Variants in ZNF804B observed in about 807,000 individuals in gnomAD.
The protein encoded by ZNF804B is zinc finger 804B.
ZNF804B carries 80 observed loss-of-function variants against 101.4 expected under a neutral mutation model. The observed-to-expected ratio is 0.79, with a 90% CI of 0.66 to 0.95. The LOEUF is 0.95. Ranked by LOEUF, ZNF804B falls within the 40% of genes least tolerant of loss-of-function variation. The pLI is 0.00. For synonymous variants in ZNF804B, 622 were observed against 558.8 expected (o/e 1.11, Z -1.59); for missense variants, 1,673 against 1,561.9 (o/e 1.07, Z -1.20).
intron 2 of ZNF804B, among the ~76,000 whole-genome samples, chr7:89,266,535 T>C (rs1433823431): frequency 6.6e-6 from 1 of 152,110 alleles, no homozygotes; most frequent in Non-Finnish European, 1.5e-5. Context: ...AAGATACAGT[T>C]TTTCATATAA....
chr7:88,928,491 C>G (rs1792838033), intron 1 of ZNF804B, among the ~76,000 whole-genome samples: 1 of 152,108 alleles, frequency 6.6e-6, no homozygotes, highest in South Asian at 2.1e-4. Context: ...TGGCAAATAC[C>G]CTGGGGTGAG....
At chr7:89,169,635 A>G (rs1791196176) in intron 1 of ZNF804B, among the ~76,000 whole-genome samples, 1 of 152,330 alleles carries the variant, frequency 6.6e-6, no homozygotes, top group Middle Eastern at 3.4e-3. Flanking sequence ...CATTGTTCTC[A>G]TACATAATTC....
chr7:88,819,267 G>C (rs1181711695), intron 1 of ZNF804B, among the ~76,000 whole-genome samples: 1 of 150,188 alleles, frequency 6.7e-6, no homozygotes, highest in East Asian at 2.0e-4. Context: ...AGGACCACTG[G>C]TGCATGCCTC....
At chr7:88,936,789 A>G (rs1406108361) in intron 1 of ZNF804B, among the ~76,000 whole-genome samples, 5 of 152,032 alleles carry the variant, frequency 3.3e-5, no homozygotes, top group Non-Finnish European at 7.4e-5. Flanking sequence ...TGGTGGGAAG[A>G]AACAGGAGAA....
chr7:89,211,146 G>T (rs1034503359), intron 1 of ZNF804B, among the ~76,000 whole-genome samples: 2 of 152,180 alleles, frequency 1.3e-5, no homozygotes, highest in East Asian at 3.9e-4. Context: ...GTCTTCTTTT[G>T]AGGAGTGTCT....
intron 2 of ZNF804B, among the ~76,000 whole-genome samples, chr7:89,254,159 G>A (rs1789588647): frequency 6.6e-6 from 1 of 151,782 alleles, no homozygotes; most frequent in African/African-American, 2.4e-5. Context: ...CGGTGAGATA[G>A]GATTAAAATG....
At chr7:88,764,592 T>C (rs998274492) in intron 1 of ZNF804B, among the ~76,000 whole-genome samples, 3 of 152,128 alleles carry the variant, frequency 2.0e-5, no homozygotes, top group Admixed American at 2.0e-4. Context: ...ATGAAAGAAG[T>C]TCTAGAAGAG....
At chr7:88,798,964 A>G (rs1458382460) in intron 1 of ZNF804B, among the ~76,000 whole-genome samples, 1 of 152,082 alleles carries the variant, frequency 6.6e-6, no homozygotes, top group Non-Finnish European at 1.5e-5. Context: ...TAGCTATCCA[A>G]GTTCAAGTTC....
intron 1 of ZNF804B, among the ~76,000 whole-genome samples, chr7:89,003,453 T>C (rs915520334): frequency 2.0e-5 from 3 of 152,018 alleles, no homozygotes; most frequent in Non-Finnish European, 4.4e-5. Flanking sequence ...ATGTAAGAGC[T>C]GAGGCACATC....
intron 1 of ZNF804B, among the ~76,000 whole-genome samples, chr7:89,198,547 G>A (rs966649039): frequency 4.6e-5 from 7 of 151,812 alleles, no homozygotes; most frequent in Non-Finnish European, 7.4e-5. Flanking sequence ...TGACCTTGAG[G>A]TTACCTGTCA....
intron 1 of ZNF804B, among the ~76,000 whole-genome samples, chr7:89,185,329 A>G (rs1788359695): frequency 6.6e-6 from 1 of 152,116 alleles, no homozygotes; most frequent in African/African-American, 2.4e-5. Flanking sequence ...GATACAAAAT[A>G]TTTCTTGAAG....
chr7:89,278,294 G>A (rs935778176), intron 2 of ZNF804B, among the ~76,000 whole-genome samples: 5 of 151,700 alleles, frequency 3.3e-5, no homozygotes, highest in Non-Finnish European at 5.9e-5. Context: ...CTCCCATTTT[G>A]TAGGTTGCCT....
chr7:89,216,059 T>C (rs993926582), intron 1 of ZNF804B, among the ~76,000 whole-genome samples: 10 of 152,040 alleles, frequency 6.6e-5, no homozygotes, highest in Non-Finnish European at 7.4e-5. Flanking sequence ...ATGCCAGTGC[T>C]TTGGGAGGCC....
intron 1 of ZNF804B, among the ~76,000 whole-genome samples, chr7:89,106,084 A>G (rs1790131894): frequency 1.3e-5 from 2 of 151,978 alleles, no homozygotes; most frequent in Non-Finnish European, 2.9e-5. Flanking sequence ...ATTTAAAAGC[A>G]CTTACAAATA....
At chr7:88,980,006 T>G (rs1286695116) in intron 1 of ZNF804B, among the ~76,000 whole-genome samples, 1 of 151,824 alleles carries the variant, frequency 6.6e-6, no homozygotes, top group African/African-American at 2.4e-5. Context: ...GTTGAGAAAC[T>G]CCTATGCATT....
chr7:89,081,376 C>T (rs74770011), intron 1 of ZNF804B, among the ~76,000 whole-genome samples: 4,898 of 151,888 alleles, frequency 0.032, 132 homozygotes, highest in African/African-American at 0.074. Context: ...ACCAGGTGCT[C>T]TCATAACTTG....
chr7:88,873,801 A>G (rs1791879286), intron 1 of ZNF804B, among the ~76,000 whole-genome samples: 1 of 152,124 alleles, frequency 6.6e-6, no homozygotes, highest in African/African-American at 2.4e-5. Flanking sequence ...ATTATTTCTG[A>G]GGGCTCTGTT....
intron 1 of ZNF804B, among the ~76,000 whole-genome samples, chr7:88,813,300 G>A (rs1244614030): frequency 2.0e-5 from 3 of 151,450 alleles, no homozygotes; most frequent in Non-Finnish European, 2.9e-5. Flanking sequence ...GGTGGCGGGC[G>A]CATGTAGTCC....
intron 1 of ZNF804B, among the ~76,000 whole-genome samples, chr7:89,115,074 G>A (rs1432219405): frequency 6.6e-6 from 1 of 151,980 alleles, no homozygotes; most frequent in Non-Finnish European, 1.5e-5. Context: ...TAGTTAACAG[G>A]GCCCTAACTC....
Sources: gnomAD v4.1 joint callset for allele counts (sites outside exome capture counted in the v4.1 genomes callset) on GRCh38, gnomAD v4.1.1 for gene constraint, MANE v1.5 for transcripts, NCBI Gene and HGNC (gene_info 2026-07-23, HGNC 2026-07-21) for gene names.